DPH5: variants seen among roughly 807,000 people sequenced by gnomAD.
The protein encoded by DPH5 is diphthine methyl ester synthase.
DPH5 carries 31 observed loss-of-function variants against 31.6 expected under a neutral mutation model. That is an observed-to-expected ratio of 0.98 (90% CI 0.74 to 1.32). The LOEUF (loss-of-function observed/expected upper bound fraction) is 1.32. Ranked by LOEUF, DPH5 falls within the 40% of genes most tolerant of loss-of-function variation. DPH5 has a pLI of 0.00. For synonymous variants in DPH5, 120 were observed against 115.0 expected (o/e 1.04, Z -0.28); for missense variants, 309 against 335.7 (o/e 0.92, Z 0.62).
chr1:101,018,255 T>C (rs1276174953), intron 3 of DPH5, among the ~76,000 whole-genome samples: 1 of 151,892 alleles, frequency 6.6e-6, no homozygotes, highest in East Asian at 1.9e-4. Context: ...TTTTTTTTTT[T>C]TGAGACAGAG....
intron 4 of DPH5, among the ~76,000 whole-genome samples, chr1:101,007,441 C>T (rs1481457298): frequency 1.3e-5 from 2 of 152,192 alleles, no homozygotes; most frequent in East Asian, 1.9e-4. Context: ...TGGCCGGGCG[C>T]GGTGGCTCAT....
intron 4 of DPH5, among the ~76,000 whole-genome samples, chr1:101,003,342 AT>A (rs1659006002): frequency 6.6e-6 from 1 of 152,212 alleles, no homozygotes; most frequent in Non-Finnish European, 1.5e-5. Flanking sequence ...TAGCCAACAA[AT>A]ACTTATTACA....
chr1:101,020,279 C>T (rs1041672683), intron 3 of DPH5, among the ~76,000 whole-genome samples: 4 of 152,162 alleles, frequency 2.6e-5, no homozygotes, highest in Non-Finnish European at 5.9e-5. Flanking sequence ...TAATCAACTC[C>T]AAACATCATG....
intron 3 of DPH5, among the ~76,000 whole-genome samples, chr1:101,016,240 G>A (rs1333313334): frequency 6.6e-6 from 1 of 151,854 alleles, no homozygotes; most frequent in East Asian, 2.0e-4. Context: ...TGTAGTCCCA[G>A]CTACTCGGGA....
chr1:101,021,924 T>C (rs1456636314), intron 2 of DPH5, among the ~76,000 whole-genome samples, 159 bp from the exon 3 acceptor site: 1 of 151,704 alleles, frequency 6.6e-6, no homozygotes, highest in African/African-American at 2.4e-5. Context: ...ATACAACTCA[T>C]CAGTAAGCCA....
At position 101,025,409 on chromosome 1, in the gene DPH5, G is replaced by C; in HGVS notation, c.35C>G (p.Ala12Gly). 1 of 1,614,142 alleles carries C rather than the reference G, an allele frequency of 6.2e-7. No homozygotes were observed. The highest frequency in any genetic ancestry group is 8.5e-7 in the Non-Finnish European group (1 of 1,180,028). Residue 12 changes from alanine (A) to glycine (G), a missense_variant, in exon 2 of 8, where the codon GCC becomes GGC. Ala to Gly is a moderately conservative substitution (Grantham distance 60, BLOSUM62 0). Transcript: ENST00000370109. ...CAGGCCCTTGACTGTGATGTCCTTGGCATCTCCCAGGCCCAACCCGATGAG... is the reference window on the plus strand; with the variant it reads ...CAGGCCCTTGACTGTGATGTCCTTGCCATCTCCCAGGCCCAACCCGATGAG... ...LYLIGLGLGD[A>G]KDITVKGLEV...
chr1:101,006,703 G>A (rs1244079566), intron 4 of DPH5, among the ~76,000 whole-genome samples: 1 of 151,970 alleles, frequency 6.6e-6, no homozygotes, highest in Non-Finnish European at 1.5e-5. Context: ...CTACAAGGTC[G>A]ACAATGCTGA....
At chr1:100,997,294 A>G (rs1393169372) in intron 5 of DPH5, among the ~76,000 whole-genome samples, 1 of 152,172 alleles carries the variant, frequency 6.6e-6, no homozygotes, top group Non-Finnish European at 1.5e-5. Flanking sequence ...CTCAATAAAT[A>G]CCTGTACACT....
At chr1:101,013,864 T>G (rs745909194) in intron 3 of DPH5, 46 bp from the exon 4 acceptor site, 8 of 1,439,180 alleles carry the variant, frequency 5.6e-6, no homozygotes, top group Non-Finnish European at 6.7e-6. Context: ...ACAACACTTT[T>G]AAGACAGTAA....
At chr1:101,007,003 T>C (rs12747736) in intron 4 of DPH5, among the ~76,000 whole-genome samples, 18,545 of 149,836 alleles carry the variant, frequency 0.12, 1,220 homozygotes, top group Middle Eastern at 0.21. Flanking sequence ...TTTTAAAATG[T>C]TTTAAAACCA....
At chr1:101,013,938 C>CCA in intron 3 of DPH5, 120 bp from the exon 4 acceptor site, 1 of 687,324 alleles carries the variant, frequency 1.5e-6, no homozygotes, top group Non-Finnish European at 2.4e-6. Context: ...TCAAATTCTT[C>CCA]CACACACCTG....
chr1:101,024,533 C>T (rs1056241519), intron 2 of DPH5, among the ~76,000 whole-genome samples: 1 of 152,114 alleles, frequency 6.6e-6, no homozygotes, highest in Admixed American at 6.5e-5. Flanking sequence ...AATCTGAGGC[C>T]TAAAAATTTT....
chr1:101,018,558 TTA>T (rs1660243922), intron 3 of DPH5, among the ~76,000 whole-genome samples: 1 of 152,172 alleles, frequency 6.6e-6, no homozygotes, highest in Non-Finnish European at 1.5e-5. Flanking sequence ...GTTTTAAATT[TTA>T]TAGTGTCTCC....
intron 4 of DPH5, among the ~76,000 whole-genome samples, chr1:101,010,755 C>T (rs1221515360): frequency 6.6e-6 from 1 of 152,102 alleles, no homozygotes; most frequent in Non-Finnish European, 1.5e-5. Flanking sequence ...GCAAGATAAC[C>T]TCTCAACATC....
chr1:100,996,998 C>G (rs1658410703), intron 5 of DPH5, among the ~76,000 whole-genome samples: 1 of 152,286 alleles, frequency 6.6e-6, no homozygotes, highest in South Asian at 2.1e-4. Flanking sequence ...CACTCTGTTC[C>G]TTCCTGCTTT....
chr1:101,014,413 T>G (rs1659919067), intron 3 of DPH5, among the ~76,000 whole-genome samples: 1 of 152,256 alleles, frequency 6.6e-6, no homozygotes, highest in Non-Finnish European at 1.5e-5. Context: ...GTTTATACTA[T>G]ACTGTAGTCT....
chr1:101,004,603 T>A (rs1431195666), intron 4 of DPH5, among the ~76,000 whole-genome samples: 1 of 152,104 alleles, frequency 6.6e-6, no homozygotes, highest in South Asian at 2.1e-4. Context: ...ACTCAAAACA[T>A]CCACTCATTA....
At chr1:101,008,361 T>C (rs1659386542) in intron 4 of DPH5, among the ~76,000 whole-genome samples, 1 of 152,214 alleles carries the variant, frequency 6.6e-6, no homozygotes, top group African/African-American at 2.4e-5. Context: ...ATGGTGTGGT[T>C]TGAAAACCAA....
intron 7 of DPH5, among the ~76,000 whole-genome samples, chr1:100,991,281 C>CTTT (rs1657675650): frequency 6.6e-6 from 1 of 152,178 alleles, no homozygotes; most frequent in Non-Finnish European, 1.5e-5. Flanking sequence ...GGTGCTACAG[C>CTTT]TAAAGAGCTG....
Sources: gnomAD v4.1 joint callset for allele counts (sites outside exome capture counted in the v4.1 genomes callset) on GRCh38, gnomAD v4.1.1 for gene constraint, MANE v1.5 for transcripts, NCBI Gene and HGNC (gene_info 2026-07-23, HGNC 2026-07-21) for gene names.